Variants in BMPR1B observed in about 807,000 individuals in gnomAD.
The protein encoded by BMPR1B is bone morphogenetic protein receptor type-1B.
Under a neutral mutation model 59.1 loss-of-function variants are expected in BMPR1B, and 12 were observed. That is an observed-to-expected ratio of 0.20 (90% CI 0.13 to 0.33). The LOEUF (loss-of-function observed/expected upper bound fraction) is 0.33. Among genes scored for constraint, BMPR1B ranks in the 10% least tolerant of loss-of-function variants. The pLI is 1.00. For synonymous variants in BMPR1B, 237 were observed against 207.3 expected (o/e 1.14, Z -1.23); for missense variants, 550 against 610.9 (o/e 0.90, Z 1.05).
chr4:94,999,356 A>C (rs1722280644), intron 3 of BMPR1B, among the ~76,000 whole-genome samples: 2 of 152,106 alleles, frequency 1.3e-5, no homozygotes, highest in Admixed American at 6.6e-5. Context: ...CCTCTCAAGT[A>C]GATGGTACAT....
At chr4:95,046,626 G>C (rs1158239416) in intron 3 of BMPR1B, among the ~76,000 whole-genome samples, 2 of 152,124 alleles carry the variant, frequency 1.3e-5, no homozygotes, top group East Asian at 3.9e-4. Context: ...TAAGAACTCT[G>C]CAAATGACAT....
intron 3 of BMPR1B, among the ~76,000 whole-genome samples, chr4:95,004,940 A>G (rs1006408998): frequency 3.3e-5 from 5 of 152,214 alleles, no homozygotes; most frequent in Non-Finnish European, 7.4e-5. Flanking sequence ...TGAGTTATTC[A>G]TTAATACCTC....
chr4:94,854,401 A>C (rs540368648), intron 1 of BMPR1B, among the ~76,000 whole-genome samples: 1 of 152,284 alleles, frequency 6.6e-6, no homozygotes, highest in Admixed American at 6.5e-5. Flanking sequence ...CATATTTACA[A>C]ATGAAGGCTG....
intron 3 of BMPR1B, among the ~76,000 whole-genome samples, chr4:95,077,403 CAT>C (rs935832746): frequency 2.6e-5 from 4 of 152,112 alleles, no homozygotes; most frequent in Non-Finnish European, 5.9e-5. Context: ...TATATGAAAA[CAT>C]GTGAAAGCTG....
chr4:94,827,745 ATATT>A (rs969985971), intron 1 of BMPR1B, among the ~76,000 whole-genome samples: 18 of 152,324 alleles, frequency 1.2e-4, no homozygotes, highest in African/African-American at 3.6e-4. Flanking sequence ...AAGATTTTAA[ATATT>A]TATTTATTTT....
intron 2 of BMPR1B, among the ~76,000 whole-genome samples, chr4:94,935,823 G>A (rs7698964): frequency 0.17 from 25,324 of 151,976 alleles, 2,773 homozygotes; most frequent in African/African-American, 0.31. Context: ...AAATGTTAGC[G>A]GGGAGAACAA....
chr4:94,839,861 G>T (rs1486769281), intron 1 of BMPR1B, among the ~76,000 whole-genome samples: 5 of 151,070 alleles, frequency 3.3e-5, no homozygotes, highest in Non-Finnish European at 5.9e-5. Flanking sequence ...AGTCTCAATG[G>T]TCTTTACATT....
chr4:94,760,623 C>T (rs557379699), intron 1 of BMPR1B, among the ~76,000 whole-genome samples: 3 of 152,332 alleles, frequency 2.0e-5, no homozygotes, highest in African/African-American at 7.2e-5. Flanking sequence ...CTCACCACTG[C>T]CTCTGCCTCT....
intron 3 of BMPR1B, among the ~76,000 whole-genome samples, chr4:94,997,555 C>G (rs114612511): frequency 0.02 from 2,996 of 152,268 alleles, 90 homozygotes; most frequent in African/African-American, 0.068. Context: ...TACCTTAAGG[C>G]TAATCTAATT....
At chr4:95,110,269 G>GTATAATTA (rs1731536049) in intron 4 of BMPR1B, among the ~76,000 whole-genome samples, 1 of 151,784 alleles carries the variant, frequency 6.6e-6, no homozygotes, top group South Asian at 2.1e-4. Context: ...GTCCGCATTG[G>GTATAATTA]GTGAAATTAT....
chr4:94,975,886 T>C (rs1731015176), intron 2 of BMPR1B, among the ~76,000 whole-genome samples: 1 of 152,214 alleles, frequency 6.6e-6, no homozygotes, highest in South Asian at 2.1e-4. Context: ...GTTTAGTAAT[T>C]GGTGCTTTTT....
At chr4:94,871,163 A>G (rs569366439) in intron 1 of BMPR1B, among the ~76,000 whole-genome samples, 54 of 152,328 alleles carry the variant, frequency 3.5e-4, no homozygotes, top group Middle Eastern at 3.4e-3. Context: ...CAGTAAACAT[A>G]AAGCTAGAAT....
intron 2 of BMPR1B, among the ~76,000 whole-genome samples, chr4:94,972,865 G>T (rs1308135254): frequency 1.3e-5 from 2 of 152,148 alleles, no homozygotes; most frequent in Non-Finnish European, 2.9e-5. Flanking sequence ...ACCTTCAAGG[G>T]ACTCAGGACA....
At chr4:95,132,121 C>T (rs991469251) in intron 10 of BMPR1B, among the ~76,000 whole-genome samples, 5 of 152,114 alleles carry the variant, frequency 3.3e-5, no homozygotes, top group African/African-American at 9.7e-5. Flanking sequence ...TTTGCTTACT[C>T]TTACTTTAAT....
At chr4:94,790,735 T>G (rs376984440) in intron 1 of BMPR1B, among the ~76,000 whole-genome samples, 29 of 152,170 alleles carry the variant, frequency 1.9e-4, no homozygotes, top group African/African-American at 6.3e-4. Context: ...AGAAAAACTT[T>G]ATTTTTTAGA....
At chr4:94,922,077 A>T (rs997701195) in intron 2 of BMPR1B, among the ~76,000 whole-genome samples, 1 of 152,050 alleles carries the variant, frequency 6.6e-6, no homozygotes, top group Non-Finnish European at 1.5e-5. Context: ...GGTTCAATCT[A>T]TCCTTCCACC....
intron 3 of BMPR1B, among the ~76,000 whole-genome samples, chr4:95,089,637 C>G (rs1009851864): frequency 1.3e-5 from 2 of 152,068 alleles, no homozygotes; most frequent in Non-Finnish European, 2.9e-5. Flanking sequence ...TGAGCAGCAT[C>G]AGGCCAGAAT....
At chr4:94,921,466 G>A (rs1394717488) in intron 2 of BMPR1B, among the ~76,000 whole-genome samples, 4 of 152,076 alleles carry the variant, frequency 2.6e-5, no homozygotes, top group African/African-American at 4.8e-5. Context: ...AGAGGCCTCA[G>A]GGAGCTTTTA....
intron 2 of BMPR1B, among the ~76,000 whole-genome samples, chr4:94,978,949 T>TAC (rs10649707): frequency 0.22 from 32,398 of 147,632 alleles, 3,609 homozygotes; most frequent in Non-Finnish European, 0.24. Flanking sequence ...CACACATACA[T>TAC]ACACACACAC....
Sources: gnomAD v4.1 joint callset for allele counts (sites outside exome capture counted in the v4.1 genomes callset) on GRCh38, gnomAD v4.1.1 for gene constraint, MANE v1.5 for transcripts, NCBI Gene and HGNC (gene_info 2026-07-23, HGNC 2026-07-21) for gene names.